KDM4C: variants seen among roughly 807,000 people sequenced by gnomAD.
KDM4C encodes the protein lysine demethylase 4C, also known as lysine-specific demethylase 4C.
A neutral mutation model predicts 129.3 loss-of-function variants in KDM4C; 81 were observed. The ratio of observed to expected loss-of-function variants is 0.63; its 90% CI spans 0.52 to 0.75. KDM4C has a LOEUF of 0.75. KDM4C is among the 30% of genes least tolerant of loss of function. The pLI, the probability that KDM4C is intolerant of heterozygous loss-of-function variation, is 0.00. For missense variants in KDM4C, 1,457 were observed against 1,304.0 expected (o/e 1.12, Z -1.81); for synonymous variants, 573 against 456.1 (o/e 1.26, Z -3.26).
chr9:6,993,513 A>C (rs993821454), intron 12 of KDM4C, among the ~76,000 whole-genome samples: 3 of 152,176 alleles, frequency 2.0e-5, no homozygotes, highest in African/African-American at 7.2e-5. Context: ...TTTATTCTCG[A>C]AGCATCCAGG....
chr9:6,925,575 G>C (rs1306668363), intron 8 of KDM4C: 2 of 985,180 alleles, frequency 2.0e-6, no homozygotes, highest in African/African-American at 3.5e-5. Flanking sequence ...GTACAAGTGG[G>C]AGCCACCATG....
At chr9:6,918,843 C>T (rs1221139610) in intron 8 of KDM4C, among the ~76,000 whole-genome samples, 2 of 151,822 alleles carry the variant, frequency 1.3e-5, no homozygotes, top group Non-Finnish European at 2.9e-5. Context: ...AGGCTCTGTT[C>T]ATGTCCTTTG....
chr9:6,831,732 G>T lies in KDM4C; in HGVS notation c.435+16987G>T, dbSNP rs1020665924. On this transcript the variant is annotated intron_variant, in intron 4 of 21. Transcript: ENST00000381309. ...GTCTCATGGAAGGAAGAGGGAGGAAGAGTGAAGGGCACAAAGGGCTTGTGC... is the reference window on the plus strand; with the variant it reads ...GTCTCATGGAAGGAAGAGGGAGGAATAGTGAAGGGCACAAAGGGCTTGTGC... 9.2e-5 allele frequency among the ~76,000 whole-genome samples: 14 copies of T among 152,296 alleles called. No individual in the cohort carries two copies. The East Asian group carries it at 2.1e-3, about 23-fold the overall frequency.
chr9:6,903,320 A>G (rs1226105218), intron 8 of KDM4C, among the ~76,000 whole-genome samples: 4 of 152,198 alleles, frequency 2.6e-5, no homozygotes, highest in African/African-American at 9.7e-5. Flanking sequence ...GGTAAATAAA[A>G]TTGAAACAGT....
intron 8 of KDM4C, among the ~76,000 whole-genome samples, chr9:6,954,287 T>A (rs984221420): frequency 7.9e-5 from 12 of 152,228 alleles, no homozygotes; most frequent in African/African-American, 4.8e-5. Flanking sequence ...TGCTTAGTAC[T>A]CGGTCACGTC....
At chr9:6,989,479 G>A (rs918852783) in intron 11 of KDM4C, among the ~76,000 whole-genome samples, 10 of 152,020 alleles carry the variant, frequency 6.6e-5, no homozygotes, top group African/African-American at 2.2e-4. Context: ...CTTTCTACCC[G>A]GGAAAGGAAT....
chr9:7,003,856 C>G (rs1157130344), intron 12 of KDM4C, among the ~76,000 whole-genome samples: 3 of 152,094 alleles, frequency 2.0e-5, no homozygotes, highest in Non-Finnish European at 2.9e-5. Flanking sequence ...ATAAAGTTCC[C>G]AAGTTTGAAT....
chr9:6,919,504 T>A (rs12686310), intron 8 of KDM4C, among the ~76,000 whole-genome samples: 12,549 of 151,028 alleles, frequency 0.083, 1,468 homozygotes, highest in African/African-American at 0.26. Flanking sequence ...AAAGAAGAAT[T>A]GCCTATATTT....
intron 8 of KDM4C, among the ~76,000 whole-genome samples, chr9:6,973,249 C>T (rs1258795469): frequency 1.3e-5 from 2 of 152,120 alleles, no homozygotes; most frequent in African/African-American, 4.8e-5. Flanking sequence ...TGCTGTGTTG[C>T]CCAGGCTGCT....
At chr9:6,827,877 T>C (rs942223297) in intron 4 of KDM4C, among the ~76,000 whole-genome samples, 1 of 152,186 alleles carries the variant, frequency 6.6e-6, no homozygotes, top group African/African-American at 2.4e-5. Context: ...GGCTGCTCTT[T>C]AGTGAAGCAG....
In KDM4C at chr9:6,758,997, C is replaced by G. The variant is rs1036788692; in HGVS notation, c.-18+794C>G. 2.6e-5 allele frequency among the ~76,000 whole-genome samples: 4 copies of G among 151,250 alleles called. No individual in the cohort carries two copies. The highest frequency in any genetic ancestry group is 2.0e-4 in the Admixed American group (3 of 15,126). On this transcript the variant is annotated intron_variant, in intron 1 of 21. Transcript: ENST00000381309. The surrounding 1 kb of genome is among the most constrained non-coding windows in gnomAD (Gnocchi z 4.6). ...CGCGTGGACTTGATGCTGGGCTCCC[C>G]CTTTGCTGCGCGGTGCAAGCCTGCG...
At chr9:7,045,908 A>G (rs988441942) in intron 15 of KDM4C, among the ~76,000 whole-genome samples, 9 of 150,720 alleles carry the variant, frequency 6.0e-5, no homozygotes, top group African/African-American at 2.0e-4. Context: ...GATTCCTTGT[A>G]AAGCTAGGAA....
chr9:6,776,238 T>A (rs1823002911), intron 1 of KDM4C, among the ~76,000 whole-genome samples: 1 of 152,114 alleles, frequency 6.6e-6, no homozygotes, highest in Non-Finnish European at 1.5e-5. Flanking sequence ...GCTTTACAGG[T>A]GTATGCCACC....
At chr9:6,974,517 C>T (rs1042200870) in intron 8 of KDM4C, among the ~76,000 whole-genome samples, 2 of 152,148 alleles carry the variant, frequency 1.3e-5, no homozygotes, top group African/African-American at 4.8e-5. Context: ...GCCACCATGC[C>T]TGAGTAATTT....
At chr9:6,780,432 T>C (rs1824069074) in intron 1 of KDM4C, among the ~76,000 whole-genome samples, 1 of 151,744 alleles carries the variant, frequency 6.6e-6, no homozygotes, top group Admixed American at 6.6e-5. Context: ...TCAAGTATCC[T>C]AATTCTCATA....
chr9:6,800,520 C>G (rs1828734747), intron 2 of KDM4C, among the ~76,000 whole-genome samples: 1 of 151,998 alleles, frequency 6.6e-6, no homozygotes, highest in Admixed American at 6.6e-5. Context: ...GCCTGGGCAA[C>G]AGAGTCCCTG....
At chr9:7,116,485 C>T (rs1838910920) in intron 18 of KDM4C, among the ~76,000 whole-genome samples, 1 of 152,052 alleles carries the variant, frequency 6.6e-6, no homozygotes, top group Admixed American at 6.6e-5. Flanking sequence ...ATGCAGTTAC[C>T]ATTAGAGCAC....
chr9:7,115,986 T>C (rs1412395505), intron 18 of KDM4C, among the ~76,000 whole-genome samples: 1 of 152,212 alleles, frequency 6.6e-6, no homozygotes, highest in Admixed American at 6.5e-5. Context: ...ATGTCCTTTC[T>C]TGTCTTCTCA....
intron 12 of KDM4C, among the ~76,000 whole-genome samples, chr9:7,006,719 A>G (rs1821740122): frequency 6.6e-6 from 1 of 152,130 alleles, no homozygotes; most frequent in Admixed American, 6.5e-5. Context: ...TTTGAGGACT[A>G]TTTTTAGGCC....
Sources: gnomAD v4.1 joint callset for allele counts (sites outside exome capture counted in the v4.1 genomes callset) on GRCh38, gnomAD v4.1.1 for gene constraint, Gnocchi (gnomAD v3.1) non-coding constraint, MANE v1.5 for transcripts, NCBI Gene and HGNC (gene_info 2026-07-23, HGNC 2026-07-21) for gene names.